The following MKLN1 variants were observed in gnomAD, a reference collection of about 807,000 sequenced individuals.
The protein encoded by MKLN1 is muskelin.
In MKLN1, 18 loss-of-function variants were observed where a neutral mutation model predicts 99.0. The ratio of observed to expected loss-of-function variants is 0.18; its 90% confidence interval spans 0.13 to 0.27. The LOEUF is 0.27. Ranked by LOEUF, MKLN1 falls within the 10% of genes least tolerant of loss-of-function variation. The probability of loss-of-function intolerance (pLI) is 1.00; values close to 1 mark genes in which losing one functional copy is unlikely to be tolerated. For missense variants in MKLN1, 621 were observed against 875.9 expected, an observed-to-expected ratio of 0.71 and a Z score of 3.67; for synonymous variants, 288 against 293.2, an observed-to-expected ratio of 0.98 and a Z score of 0.18.
intron 1 of MKLN1, among the ~76,000 whole-genome samples, chr7:131,127,057 C>A (rs1795472142): frequency 6.6e-6 from 1 of 151,390 alleles, no homozygotes; most frequent in Admixed American, 6.6e-5. Flanking sequence ...CCCAGCTACT[C>A]GGGAGGCTGA....
chr7:131,208,083 T>C (rs1195705414), intron 3 of MKLN1, among the ~76,000 whole-genome samples: 1 of 152,124 alleles, frequency 6.6e-6, no homozygotes, highest in African/African-American at 2.4e-5. Context: ...AATGCTACCA[T>C]ATTATTGGGC....
chr7:131,479,502 C>T (rs1287286439), intron 17 of MKLN1, among the ~76,000 whole-genome samples: 1 of 152,054 alleles, frequency 6.6e-6, no homozygotes, highest in African/African-American at 2.4e-5. Flanking sequence ...TGCACTCCAG[C>T]CTGGGTGACA....
chr7:131,317,490 A>G (rs992895240), intron 3 of MKLN1, among the ~76,000 whole-genome samples: 1 of 152,236 alleles, frequency 6.6e-6, no homozygotes, highest in African/African-American at 2.4e-5. Flanking sequence ...AGTACCAGCC[A>G]CTGCAAAAAC....
intron 1 of MKLN1, among the ~76,000 whole-genome samples, chr7:131,370,089 C>T (rs566057705): frequency 2.1e-4 from 32 of 152,344 alleles, no homozygotes; most frequent in African/African-American, 7.2e-4. Flanking sequence ...CCGCCGGCTT[C>T]GGCCTTCCAA....
At chr7:131,134,476 T>G (rs1563226885) in intron 1 of MKLN1, among the ~76,000 whole-genome samples, 1 of 152,144 alleles carries the variant, frequency 6.6e-6, no homozygotes, top group African/African-American at 2.4e-5. Flanking sequence ...AGTCCAGACC[T>G]CTCTCCTGAT....
intron 17 of MKLN1, chr7:131,478,998 G>T: frequency 3.7e-6 from 1 of 268,284 alleles, no homozygotes. Flanking sequence ...CACACTATGA[G>T]ATAATACTTG....
At chr7:131,122,751 G>C (rs1795391673) in intron 1 of MKLN1, among the ~76,000 whole-genome samples, 1 of 152,044 alleles carries the variant, frequency 6.6e-6, no homozygotes, top group Admixed American at 6.5e-5. Context: ...GCCGGGTGCG[G>C]TGGCTCATGC....
intron 4 of MKLN1, among the ~76,000 whole-genome samples, chr7:131,396,529 A>C (rs890030349): frequency 6.6e-6 from 1 of 152,128 alleles, no homozygotes; most frequent in Admixed American, 6.6e-5. Context: ...TTGAGTGGGA[A>C]TATTTAGTAT....
At chr7:131,161,150 T>C (rs1226020137) in intron 2 of MKLN1, among the ~76,000 whole-genome samples, 1 of 152,148 alleles carries the variant, frequency 6.6e-6, no homozygotes, top group East Asian at 1.9e-4. Flanking sequence ...GTGGAACCTC[T>C]CCAGGTACTT....
chr7:131,134,503 C>G (rs1308166020), intron 1 of MKLN1, among the ~76,000 whole-genome samples: 1 of 152,202 alleles, frequency 6.6e-6, no homozygotes, highest in African/African-American at 2.4e-5. Flanking sequence ...ACCTGTCATT[C>G]ATTTGCACTG....
At chr7:131,401,071 G>A (rs115956716) in intron 6 of MKLN1, among the ~76,000 whole-genome samples, 3,628 of 152,174 alleles carry the variant, frequency 0.024, 141 homozygotes, top group African/African-American at 0.083. Context: ...TAAAAACATA[G>A]CAGAGAAGGA....
chr7:131,413,958 C>T (rs909474646), intron 7 of MKLN1, among the ~76,000 whole-genome samples: 2 of 152,142 alleles, frequency 1.3e-5, no homozygotes, highest in Admixed American at 1.3e-4. Flanking sequence ...GCCTATTAAG[C>T]TCTGTGATGG....
chr7:131,259,841 G>C, intron 3 of MKLN1, among the ~76,000 whole-genome samples: 1 of 152,150 alleles, frequency 6.6e-6, no homozygotes, highest in East Asian at 1.9e-4. Flanking sequence ...ACTCCTGGAA[G>C]TCCTAGCCAG....
At chr7:131,385,796 A>G (rs1356417258) in intron 2 of MKLN1, among the ~76,000 whole-genome samples, 3 of 152,080 alleles carry the variant, frequency 2.0e-5, no homozygotes, top group South Asian at 4.2e-4. Flanking sequence ...TATGATTTGC[A>G]AATATTTTCT....
intron 3 of MKLN1, chr7:131,243,046 GA>G (rs2116498046): frequency 3.7e-6 from 2 of 540,040 alleles, no homozygotes; most frequent in South Asian, 3.1e-5. Context: ...AAAAAAAAAG[GA>G]AAGTTCACAG....
At chr7:131,365,026 T>A (rs1800139583) in intron 1 of MKLN1, among the ~76,000 whole-genome samples, 1 of 152,206 alleles carries the variant, frequency 6.6e-6, no homozygotes, top group Non-Finnish European at 1.5e-5. Flanking sequence ...CTTTTAGCTA[T>A]TTGAGGAATT....
chr7:131,351,769 G>A (rs1799726935), intron 1 of MKLN1, among the ~76,000 whole-genome samples: 1 of 152,120 alleles, frequency 6.6e-6, no homozygotes, highest in African/African-American at 2.4e-5. Context: ...CATATACTTT[G>A]TATTTTATCA....
In MKLN1 at chr7:131,466,352, AGTT is replaced by A; in HGVS notation, c.1868_1870del (p.Leu623del). 1 of 1,607,402 alleles carries A rather than the reference AGTT, an allele frequency of 6.2e-7. No individual in the cohort carries two copies. Among genetic ancestry groups the A allele is most frequent in the Non-Finnish European group, 8.5e-7 (1 of 1,175,414 alleles). ...AGATTAGATGACTTCTGGTCACTGA[AGTT>A]GTGTAGACCTTCAAAAGATTATTTA... is the stretch of plus-strand genomic sequence containing the variant. On this transcript the variant is annotated inframe_deletion, in exon 15 of 18. Transcript: ENST00000352689.
At chr7:131,217,112 T>A (rs1796994098) in intron 3 of MKLN1, among the ~76,000 whole-genome samples, 1 of 152,180 alleles carries the variant, frequency 6.6e-6, no homozygotes, top group Non-Finnish European at 1.5e-5. Flanking sequence ...GATTTAGATA[T>A]TTTTTATATG....
Sources: allele counts gnomAD v4.1 joint callset (sites outside exome capture counted in the v4.1 genomes callset), GRCh38; gene constraint gnomAD v4.1.1; transcripts MANE v1.5; gene names NCBI Gene and HGNC (gene_info 2026-07-23, HGNC 2026-07-21).